The following CEP112 variants were observed in gnomAD, a reference collection of about 807,000 sequenced individuals.
The protein encoded by CEP112 is centrosomal protein 112, also known as centrosomal protein of 112 kDa.
Under a neutral mutation model 153.0 loss-of-function variants are expected in CEP112, and 127 were observed. That is an observed-to-expected ratio of 0.83 (90% CI 0.72 to 0.96). The LOEUF is 0.96. CEP112 is among the 40% of genes least tolerant of loss of function. The pLI is 0.00. For missense variants in CEP112, 1,089 were observed against 1,101.2 expected, an observed-to-expected ratio of 0.99 and a Z score of 0.16; for synonymous variants, 358 against 374.4, an observed-to-expected ratio of 0.96 and a Z score of 0.51.
chr17:65,730,655 C>T (rs1034764), intron 23 of CEP112, among the ~76,000 whole-genome samples: 28,209 of 152,082 alleles, frequency 0.19, 3,351 homozygotes, highest in South Asian at 0.33. Flanking sequence ...TTTCTCAATG[C>T]TACTAAAACA....
intron 16 of CEP112, among the ~76,000 whole-genome samples, chr17:66,026,842 T>C (rs1221072404): frequency 2.0e-5 from 3 of 152,204 alleles, no homozygotes; most frequent in East Asian, 3.9e-4. Flanking sequence ...ATCCAAGTTA[T>C]AGTTTTGGAC....
At chr17:66,030,887 C>A (rs942726415) in intron 12 of CEP112, among the ~76,000 whole-genome samples, 2 of 152,078 alleles carry the variant, frequency 1.3e-5, no homozygotes, top group Non-Finnish European at 2.9e-5. Flanking sequence ...TCTAAGAGAA[C>A]CATTTTAAAG....
At chr17:66,008,171 A>G (rs1259217501) in intron 16 of CEP112, among the ~76,000 whole-genome samples, 1 of 152,150 alleles carries the variant, frequency 6.6e-6, no homozygotes, top group African/African-American at 2.4e-5. Context: ...ATATGTGTGA[A>G]GTTTTGATAT....
intron 20 of CEP112, among the ~76,000 whole-genome samples, chr17:65,890,930 T>C (rs561541802): frequency 2.6e-5 from 4 of 152,206 alleles, no homozygotes; most frequent in Non-Finnish European, 5.9e-5. Context: ...GTAAGATGCG[T>C]CCTCTGTCTA....
chr17:65,853,598 G>A (rs1641730283), intron 20 of CEP112, among the ~76,000 whole-genome samples: 1 of 151,992 alleles, frequency 6.6e-6, no homozygotes, highest in African/African-American at 2.4e-5. Context: ...GCATGGTGGT[G>A]GGCACCTGTA....
chr17:66,141,188 T>G (rs1315432319), intron 4 of CEP112, among the ~76,000 whole-genome samples: 1 of 149,880 alleles, frequency 6.7e-6, no homozygotes. Context: ...CTGATTTGAT[T>G]TTCTGTAATA....
chr17:66,176,367 ATTAAT>A (rs996314248), intron 3 of CEP112, among the ~76,000 whole-genome samples: 2 of 152,234 alleles, frequency 1.3e-5, no homozygotes, highest in African/African-American at 2.4e-5. Flanking sequence ...TGACAATGAA[ATTAAT>A]TTAAGTACAG....
At chr17:66,140,890 G>C (rs953547313) in intron 4 of CEP112, among the ~76,000 whole-genome samples, 1 of 151,860 alleles carries the variant, frequency 6.6e-6, no homozygotes, top group Non-Finnish European at 1.5e-5. Flanking sequence ...CAAGTGATCT[G>C]CCCGCCTCAG....
At chr17:65,638,959 T>C in intron 25 of CEP112, among the ~76,000 whole-genome samples, 1 of 152,142 alleles carries the variant, frequency 6.6e-6, no homozygotes, top group East Asian at 1.9e-4. Flanking sequence ...TAGCTGACAC[T>C]ATCTGTAGCT....
At chr17:66,139,312 T>TA (rs1382590221) in intron 4 of CEP112, among the ~76,000 whole-genome samples, 1 of 151,846 alleles carries the variant, frequency 6.6e-6, no homozygotes, top group Non-Finnish European at 1.5e-5. Context: ...TTAACAGAAA[T>TA]AAAAAGAATG....
At chr17:66,176,500 C>T (rs899827386) in intron 3 of CEP112, among the ~76,000 whole-genome samples, 1 of 152,042 alleles carries the variant, frequency 6.6e-6, no homozygotes, top group East Asian at 1.9e-4. Flanking sequence ...AGTTTAAAAA[C>T]TAGAATTTAC....
intron 22 of CEP112, among the ~76,000 whole-genome samples, chr17:65,746,478 CAG>C (rs2051477795): frequency 6.6e-6 from 1 of 151,916 alleles, no homozygotes; most frequent in Non-Finnish European, 1.5e-5. Context: ...GGATATGGAA[CAG>C]TAACTAAAAT....
intron 20 of CEP112, among the ~76,000 whole-genome samples, chr17:65,900,503 C>T (rs953235455): frequency 6.6e-6 from 1 of 152,150 alleles, no homozygotes; most frequent in African/African-American, 2.4e-5. Context: ...ATATGGCAGA[C>T]ACGACTCATG....
chr17:65,990,316 T>A (rs1428746747), intron 17 of CEP112, among the ~76,000 whole-genome samples: 1 of 152,126 alleles, frequency 6.6e-6, no homozygotes, highest in East Asian at 1.9e-4. Flanking sequence ...AAAAGAACCA[T>A]CACAGGAACC....
chr17:66,142,159 C>T (rs998416957), intron 4 of CEP112, among the ~76,000 whole-genome samples: 1 of 152,036 alleles, frequency 6.6e-6, no homozygotes, highest in Non-Finnish European at 1.5e-5. Flanking sequence ...TATTGTATGT[C>T]CACTTTGGAG....
At chr17:66,091,060 GAGA>G (rs1195227128) in intron 8 of CEP112, among the ~76,000 whole-genome samples, 2 of 152,028 alleles carry the variant, frequency 1.3e-5, no homozygotes, top group East Asian at 1.9e-4. Context: ...TATAAAAGGA[GAGA>G]AGGAGTGTAA....
At chr17:65,738,723 A>G (rs1408929121) in intron 23 of CEP112, among the ~76,000 whole-genome samples, 4 of 152,234 alleles carry the variant, frequency 2.6e-5, no homozygotes, top group Admixed American at 2.6e-4. Flanking sequence ...ATAAAAAAAC[A>G]TGGATGCAAA....
At chr17:66,023,503 C>A (rs1207471935) in intron 16 of CEP112, among the ~76,000 whole-genome samples, 1 of 152,018 alleles carries the variant, frequency 6.6e-6, no homozygotes, top group Non-Finnish European at 1.5e-5. Flanking sequence ...CAAAGTATTT[C>A]CCAGACAAGC....
chr17:66,133,576 C>A (rs2070299040), intron 4 of CEP112, among the ~76,000 whole-genome samples: 1 of 152,112 alleles, frequency 6.6e-6, no homozygotes, highest in Non-Finnish European at 1.5e-5. Flanking sequence ...ATATAAAATA[C>A]ATTCTTAAAT....
Sources: gnomAD v4.1 joint callset for allele counts (sites outside exome capture counted in the v4.1 genomes callset) on GRCh38, gnomAD v4.1.1 for gene constraint, MANE v1.5 for transcripts, NCBI Gene and HGNC (gene_info 2026-07-23, HGNC 2026-07-21) for gene names.